Variants in MLLT6 observed in about 807,000 individuals in gnomAD.
The protein encoded by MLLT6 is protein AF-17.
Under a neutral mutation model 103.0 loss-of-function variants are expected in MLLT6, and 22 were observed. The observed-to-expected ratio is 0.21, with a 90% CI of 0.15 to 0.31. MLLT6 has a LOEUF of 0.31. Ranked by LOEUF, MLLT6 falls within the 10% of genes least tolerant of loss-of-function variation. The probability of loss-of-function intolerance (pLI) is 1.00; values close to 1 mark genes in which losing one functional copy is unlikely to be tolerated. For synonymous variants in MLLT6, 606 were observed against 623.5 expected (o/e 0.97, Z 0.42); for missense variants, 1,199 against 1,441.7 (o/e 0.83, Z 2.73).
rs1309284432 is a variant in MLLT6, at chr17:38,725,560, G to T, written c.3244G>T (p.Ala1082Ser). 1 of 1,603,284 alleles carries T rather than the reference G, an allele frequency of 6.2e-7. No individual in the cohort carries two copies. Among genetic ancestry groups the T allele is most frequent in the Non-Finnish European group, 8.5e-7 (1 of 1,175,626 alleles). ...GCCTCCCTCCCTCTCTTTCCAGACC[G>T]CTGACAAAGGAGCCTCAGCCAACCA... Reference protein sequence around the residue: ...GSGGGPKGGTADKGASANQEK... With the variant: ...GSGGGPKGGTSDKGASANQEK... The change falls in exon 20 of 20, where the codon GCT (alanine) becomes TCT (serine). Residue 1082 changes from alanine (A) to serine (S), a missense_variant. Transcript: ENST00000621332.
Position 38,721,915 on chromosome 17 carries a change from C to A in MLLT6, c.2480C>A (p.Ser827Ter). 1 of 1,573,966 alleles carries A rather than the reference C, an allele frequency of 6.4e-7. No homozygotes were observed. The highest frequency in any genetic ancestry group is 2.4e-5 in the East Asian group (1 of 42,112). Residue 827 changes from serine (S) to a stop codon, truncating the protein, a stop_gained, in exon 17 of 20, where the codon TCG (serine) becomes TAG (stop). Transcript: ENST00000621332. LOFTEE classifies it high-confidence loss of function. Reference sequence around the variant, plus strand: ...GGCTGCCCGAGCCGCAGCAGCTCGTCGCTGTCCTTCCACAGCACGCCCCCA... The same window carrying A: ...GGCTGCCCGAGCCGCAGCAGCTCGTAGCTGTCCTTCCACAGCACGCCCCCA... ...HSGCPSRSSS[S>*]LSFHSTPPPL...
At chr17:38,710,349 G>A (rs1276261219) in intron 6 of MLLT6, among the ~76,000 whole-genome samples, 1 of 152,208 alleles carries the variant, frequency 6.6e-6, no homozygotes, top group Non-Finnish European at 1.5e-5. Context: ...CCCAGAAGCT[G>A]TGAGGTATTC....
intron 2 of MLLT6, 128 bp downstream of exon 2, chr17:38,707,157 T>C: frequency 2.8e-6 from 2 of 726,212 alleles, no homozygotes; most frequent in Non-Finnish European, 4.5e-6. Context: ...ACTTCCTGTT[T>C]CCTGCACACC....
Position 38,705,890 on chromosome 17 carries a change from C to A in MLLT6, c.109+149C>A, listed in dbSNP as rs114177874. The A allele has an allele frequency of 6.2e-3, 1,862 of 300,102 alleles. 50 individuals are homozygous for A. The highest frequency in any genetic ancestry group is 0.038 in the African/African-American group (1,720 of 45,060). 18.6% of individuals were successfully genotyped at this position (300,102 alleles called of 1,614,324 possible). ...AGGGAGGCGTAGGGGGAGCTCCCCC[C>A]GCCCGGTCCTGGAAGACCGGGTCAG... On this transcript the variant is annotated intron_variant, in intron 1 of 19. Transcript: ENST00000621332.
In MLLT6 at chr17:38,711,298, C is replaced by T. The variant is rs116975262; in HGVS notation, c.553-549C>T. ...GGTTGTGTTGATGTTTAACTTCCCC[C>T]CTTTCTTCAAGTTAAGGGCAGCATA... On this transcript the variant is annotated intron_variant, in intron 6 of 19. Transcript: ENST00000621332. Among the ~76,000 whole-genome samples the T allele has an allele frequency of 2.6e-5, 4 of 152,216 alleles. No individual in the cohort carries two copies. The East Asian group carries it at 7.7e-4, about 29-fold the overall frequency.
In MLLT6 at chr17:38,709,017, C is replaced by T. The variant is rs1055904551; in HGVS notation, c.355-156C>T. The T allele has an allele frequency of 2.5e-5, 16 of 641,292 alleles. No homozygotes were observed. Among genetic ancestry groups the T allele is most frequent in the South Asian group, 9.8e-5 (5 of 51,038 alleles). The allele number at this position is 641,292 out of a possible 1,614,324, so 39.7% of individuals were successfully genotyped here. A position where few individuals can be genotyped will look rare whatever the true frequency, so the allele number is the denominator to read the frequency against. On this transcript the variant is annotated intron_variant, in intron 4 of 19. Transcript: ENST00000621332. The surrounding 1 kb of genome is among the most constrained non-coding windows in gnomAD (Gnocchi z 4.3). The stretch of plus-strand genomic sequence containing the variant: ...GACTGGTGGCATTTGTCTTGGACGG[C>T]GCAGACCATAGAGCGTTTTCATCAC...
chr17:38,720,486 T>C lies in MLLT6; in HGVS notation c.2270T>C (p.Leu757Pro). The C allele has an allele frequency of 6.2e-7, 1 of 1,612,876 alleles. No individual in the cohort carries two copies. The highest frequency in any genetic ancestry group is 8.5e-7 in the Non-Finnish European group (1 of 1,179,932). The change falls in exon 15 of 20, where the codon CTC (leucine) becomes CCC (proline). Residue 757 changes from leucine (L) to proline (P), a missense_variant. Coordinates refer to ENST00000621332, the MANE Select transcript of MLLT6 (RefSeq NM_005937.4). ...CGGCTGCAGATTCTCAACGTGCAGC[T>C]CTCTGTGCCCTTCCCTGCCCTGCCT... ...KERLQILNVQ[L>P]SVPFPALPAA... is the part of the protein sequence containing the mutation.
chr17:38,708,308 T>C (rs1004983873), intron 4 of MLLT6: 1 of 163,724 alleles, frequency 6.1e-6, no homozygotes, highest in Admixed American at 6.3e-5. Context: ...TGATAAATGC[T>C]GTGAAGAAAA....
intron 2 of MLLT6, among the ~76,000 whole-genome samples, chr17:38,707,237 T>G (rs906719422): frequency 6.6e-6 from 1 of 152,188 alleles, no homozygotes; most frequent in African/African-American, 2.4e-5. Context: ...GGGCTTTGGT[T>G]TTTGTCTGTT....
chr17:38,719,344 C>T (rs901207852), intron 12 of MLLT6, 173 bp from the exon 13 acceptor site: 1 of 621,776 alleles, frequency 1.6e-6, no homozygotes, highest in African/African-American at 1.9e-5. Context: ...CTCCCAGGGG[C>T]AGGGTTTCCA....
intron 8 of MLLT6, 87 bp downstream of exon 8, chr17:38,712,876 G>C: frequency 1.1e-6 from 1 of 930,572 alleles, no homozygotes; most frequent in Non-Finnish European, 1.8e-6. Context: ...GGTGAGTCAG[G>C]GACCTGGGCA....
At chr17:38,719,944 GTCACCTTTCTCCCC>G in intron 14 of MLLT6, 49 bp downstream of exon 14, 1 of 1,511,788 alleles carries the variant, frequency 6.6e-7, no homozygotes, top group Non-Finnish European at 8.9e-7. Flanking sequence ...GGCCCTAACA[GTCACCTTTCTCCCC>G]GAGGTCCCCA....
rs1256355603 is a variant in MLLT6, at chr17:38,728,899, G to T, written c.*3301G>T. On this transcript the variant is annotated 3_prime_UTR_variant, in exon 20 of 20. Transcript: ENST00000621332. Reference sequence around the variant, plus strand: ...CATGGACAATGACACTTTAAGGATTGTCTTGGTTTGTTTTTCCTATTTGTG... The same window carrying T: ...CATGGACAATGACACTTTAAGGATTTTCTTGGTTTGTTTTTCCTATTTGTG... The T allele has an allele frequency of 4.3e-6, 1 of 233,892 alleles. No homozygotes were observed. Among genetic ancestry groups the T allele is most frequent in the Non-Finnish European group, 8.5e-6 (1 of 118,162 alleles). 14.5% of individuals were successfully genotyped at this position (233,892 alleles called of 1,614,324 possible).
At chr17:38,712,120 C>T (rs1452005698) in intron 7 of MLLT6, 106 bp downstream of exon 7, 5 of 1,378,756 alleles carry the variant, frequency 3.6e-6, no homozygotes, top group African/African-American at 1.5e-5. Flanking sequence ...TTGGCCCTGC[C>T]TTCTTCCTTC....
In MLLT6 at chr17:38,724,952, C is replaced by T; in HGVS notation, c.3216C>T (p.Gly1072=). The T allele has an allele frequency of 6.5e-7, 1 of 1,542,482 alleles. No individual in the cohort carries two copies. Among genetic ancestry groups the T allele is most frequent in the Non-Finnish European group, 8.8e-7 (1 of 1,140,874 alleles). The part of the protein sequence containing the change: ...NPFLSLSGAE[G]SGGGPKGGTA... ...TCCTCAGCCTGTCGGGAGCAGAGGG[C>T]AGTGGCGGTGGCCCCAAAGGAGGGG... is the stretch of plus-strand genomic sequence containing the variant. The change falls in exon 19 of 20, where the codon GGC becomes GGT. Residue 1072 remains glycine, a synonymous_variant. Transcript: ENST00000621332. This position sits in a 1 kb window ranked among gnomAD's most constrained non-coding sequence, Gnocchi z 5.4.
Position 38,721,922 on chromosome 17 carries a change from C to G in MLLT6, c.2487C>G (p.Ser829=). 1 of 1,569,500 alleles carries G rather than the reference C, an allele frequency of 6.4e-7. No homozygotes were observed. Among genetic ancestry groups the G allele is most frequent in the Non-Finnish European group, 8.6e-7 (1 of 1,165,626 alleles). ...CGAGCCGCAGCAGCTCGTCGCTGTC[C>G]TTCCACAGCACGCCCCCACCGCTGC... The part of the protein sequence containing the change: ...GCPSRSSSSL[S]FHSTPPPLPL... The change falls in exon 17 of 20, where the codon TCC becomes TCG. Residue 829 remains serine (S), a synonymous_variant. Coordinates refer to ENST00000621332, the MANE Select transcript of MLLT6 (RefSeq NM_005937.4).
rs534105569 is a variant in MLLT6, at chr17:38,717,661, AGACT to A, written c.1833+52_1833+55del. Reference sequence around the variant, plus strand: ...CTCCTTCCCTGGGCAGGTTGGGGACAGACTGACAGAGGACCCCAGCCTTCCATGG... The same window carrying A: ...CTCCTTCCCTGGGCAGGTTGGGGACAGACAGAGGACCCCAGCCTTCCATGG... On this transcript the variant is annotated intron_variant, in intron 11 of 19. Coordinates refer to ENST00000621332, the MANE Select transcript of MLLT6 (RefSeq NM_005937.4). The A allele has an allele frequency of 8.9e-6, 14 of 1,577,040 alleles. No homozygotes were observed. The South Asian group carries it at 1.6e-4, about 18-fold the overall frequency.
In MLLT6 at chr17:38,721,938, C is replaced by T. The variant is rs962810287; in HGVS notation, c.2503C>T (p.Pro835Ser). The change falls in exon 17 of 20, where the codon CCA becomes TCA. Residue 835 changes from proline (P) to serine (S), a missense_variant. Pro to Ser is a moderately conservative substitution (Grantham distance 74). Around this residue, in one of 7 missense-constraint regions of MLLT6, gnomAD observed 1,034 missense variants for 1,091.5 expected, o/e 0.95. Coordinates refer to ENST00000621332, the MANE Select transcript of MLLT6 (RefSeq NM_005937.4). ...GTCGCTGTCCTTCCACAGCACGCCC[C>T]CACCGCTGCCCCTCCTCCAGCAGAG... ...SSSLSFHSTP[P>S]PLPLLQQSPA... The T allele has an allele frequency of 1.3e-6, 2 of 1,540,646 alleles. No individual in the cohort carries two copies. The highest frequency in any genetic ancestry group is 2.4e-5 in the South Asian group (2 of 84,820).
chr17:38,716,474 T>C lies in MLLT6; in HGVS notation c.1144T>C (p.Ser382Pro). Residue 382 changes from serine (S) to proline (P), a missense_variant, in exon 10 of 20, where the codon TCT becomes CCT. By Grantham distance (74) the Ser-to-Pro change is moderately conservative. Transcript: ENST00000621332. This position sits in a 1 kb window ranked among gnomAD's most constrained non-coding sequence, Gnocchi z 5.6. ...PTAPAPSAPP[S>P]PSAPEPPKAD... ...AGCCCCCGCCCCTTCAGCCCCTCCT[T>C]CTCCCTCAGCTCCCGAGCCCCCCAA... The C allele has an allele frequency of 6.2e-7, 1 of 1,613,986 alleles. No individual in the cohort carries two copies. Among genetic ancestry groups the C allele is most frequent in the Non-Finnish European group, 8.5e-7 (1 of 1,179,972 alleles).
Sources: gnomAD v4.1 joint callset for allele counts (sites outside exome capture counted in the v4.1 genomes callset) on GRCh38, gnomAD v4.1.1 for gene constraint, gnomAD v4.1.1 regional missense constraint, Gnocchi (gnomAD v3.1) non-coding constraint, MANE v1.5 for transcripts, NCBI Gene and HGNC (gene_info 2026-07-23, HGNC 2026-07-21) for gene names.